Variants in HMCN2 observed in about 807,000 individuals in gnomAD.
HMCN2 encodes the protein hemicentin 2.
Under a neutral mutation model 377.5 loss-of-function variants are expected in HMCN2, and 325 were observed. That is an observed-to-expected ratio of 0.86 (90% confidence interval 0.79 to 0.94). HMCN2 has a LOEUF of 0.94. Among genes scored for constraint, HMCN2 ranks in the 40% least tolerant of loss-of-function variants. The probability of loss-of-function intolerance (pLI) is 0.00; values close to 1 mark genes in which losing one functional copy is unlikely to be tolerated. For missense variants in HMCN2, 4,543 were observed against 4,725.3 expected (o/e 0.96, Z 1.13); for synonymous variants, 2,007 against 2,046.8 (o/e 0.98, Z 0.53).
chr9:130,273,044 C>T (rs781870436), intron 1 of HMCN2, among the ~76,000 whole-genome samples: 1 of 152,162 alleles, frequency 6.6e-6, no homozygotes, highest in African/African-American at 2.4e-5. Flanking sequence ...TTGTTCTCAT[C>T]CATCAGACAT....
chr9:130,346,162 G>A (rs904182576), intron 25 of HMCN2, among the ~76,000 whole-genome samples: 4 of 152,182 alleles, frequency 2.6e-5, no homozygotes, highest in East Asian at 1.9e-4. Context: ...CAGCGCTGGC[G>A]GAGGTCAGGG....
At chr9:130,399,347 C>T (rs1187010257) in intron 75 of HMCN2, among the ~76,000 whole-genome samples, 164 bp from the exon 76 acceptor site, 1 of 152,032 alleles carries the variant, frequency 6.6e-6, no homozygotes, top group Non-Finnish European at 1.5e-5. Context: ...CAAAAATCCA[C>T]CAGCTAGACC....
chr9:130,403,876 G>A lies in HMCN2; in HGVS notation c.12148+1G>A. 7.8e-7 allele frequency: 1 copy of A among 1,289,052 alleles called. No individual in the cohort carries two copies. Among genetic ancestry groups the A allele is most frequent in the Non-Finnish European group, 1.0e-6 (1 of 988,288 alleles). 79.9% of individuals were successfully genotyped at this position (1,289,052 alleles called of 1,614,324 possible). On this transcript the variant is annotated splice_donor_variant, in intron 80 of 97. Transcript: ENST00000683500. LOFTEE classifies it high-confidence loss of function. ...GGGAAGACGCGGCTGGTGGTGCAAG[G>A]TGGGAGTGAGGACGGGGCCGAGGTG...
At chr9:130,313,348 C>T (rs976550602) in intron 15 of HMCN2, among the ~76,000 whole-genome samples, 6 of 152,068 alleles carry the variant, frequency 3.9e-5, no homozygotes, top group African/African-American at 1.4e-4. Context: ...GCCAGGAGGG[C>T]CTGCACTTGT....
intron 22 of HMCN2, among the ~76,000 whole-genome samples, chr9:130,333,951 G>T (rs1838572210): frequency 1.3e-5 from 2 of 152,208 alleles, no homozygotes. Flanking sequence ...GCAGGCAGGT[G>T]ACAGGTGGTG....
rs913906631 is a variant in HMCN2 at position 130,269,619 on chromosome 9, C to T, written c.259+3482C>T. ...CTAATTCAAAAATGGAAAATGATATCTTCTTGTTTCAATTGCTAGTGAGGT... is the reference window on the plus strand; with the variant it reads ...CTAATTCAAAAATGGAAAATGATATTTTCTTGTTTCAATTGCTAGTGAGGT... On this transcript the variant is annotated intron_variant, in intron 1 of 97. Coordinates refer to ENST00000683500, the MANE Select transcript of HMCN2 (RefSeq NM_001291815.2). 1.1e-4 allele frequency among the ~76,000 whole-genome samples: 17 copies of T among 148,238 alleles called. 2 individuals carry two copies. The highest frequency in any genetic ancestry group is 1.8e-4 in the Non-Finnish European group (12 of 66,092).
At chr9:130,348,309 G>A (rs1373533209) in intron 26 of HMCN2, among the ~76,000 whole-genome samples, 5 of 152,234 alleles carry the variant, frequency 3.3e-5, no homozygotes. Context: ...TTGCAAAGCT[G>A]AGAGTCAGAA....
Position 130,399,491 on chromosome 9 carries a change from C to T in HMCN2, c.11484-20C>T, listed in dbSNP as rs918547461. ...TCTGTCAGCCCAGCAGCCACTTGGC[C>T]GTCTGTCTGTCCACCCCAGGCTCCT... On this transcript the variant is annotated intron_variant, in intron 75 of 97. Transcript: ENST00000683500. The T allele has an allele frequency of 5.5e-6, 7 of 1,263,330 alleles. No individual in the cohort carries two copies. Among genetic ancestry groups the T allele is most frequent in the African/African-American group, 1.5e-5 (1 of 65,432 alleles). 78.3% of individuals were successfully genotyped at this position (1,263,330 alleles called of 1,614,324 possible).
intron 29 of HMCN2, among the ~76,000 whole-genome samples, chr9:130,350,379 AAAAAAATAC>A (rs1357861915): frequency 9.5e-5 from 4 of 41,966 alleles, no homozygotes; most frequent in East Asian, 5.2e-4. Flanking sequence ...CTAAAAATAC[AAAAAAATAC>A]AAAAAAAAAA....
intron 85 of HMCN2, among the ~76,000 whole-genome samples, chr9:130,416,097 TTTA>T (rs1450166089): frequency 0.028 from 2,504 of 89,162 alleles, 33 homozygotes; most frequent in South Asian, 0.044. Context: ...TTCTAGAGGC[TTTA>T]TTTTTTTTTT....
rs897304267 is a variant in HMCN2 at position 130,431,431 on chromosome 9, C to T, written c.14712C>T (p.Tyr4904=). 16 of 1,550,168 alleles carry T rather than the reference C, an allele frequency of 1.0e-5. No individual in the cohort carries two copies. The highest frequency in any genetic ancestry group is 1.4e-5 in the African/African-American group (1 of 73,042). ...QHACRNTEGS[Y]QCLCPAGYRL... ...CCTGCCGCAACACTGAGGGCAGCTA[C>T]CAGTGCCTGTGCCCCGCCGGCTACC... Residue 4904 remains tyrosine, a synonymous_variant, in exon 96 of 98, where the codon TAC becomes TAT. Transcript: ENST00000683500.
intron 97 of HMCN2, chr9:130,433,005 C>T (rs1208730140): frequency 5.1e-6 from 2 of 388,826 alleles, no homozygotes; most frequent in South Asian, 5.8e-5. Flanking sequence ...CAGTCTCCAC[C>T]TCCAACCCCG....
Position 130,416,180 on chromosome 9 carries a change from C to T in HMCN2, c.12962-2592C>T, listed in dbSNP as rs370608989. Among the ~76,000 whole-genome samples the T allele has an allele frequency of 3.3e-5, 5 of 150,440 alleles. 1 individual carries two copies. The highest frequency in any genetic ancestry group is 3.9e-4 in the East Asian group (2 of 5,120). Reference sequence around the variant, plus strand: ...AGTGCAGTGGCGCGATCTCGGCTCACTGCAACCTCCACCTCCCAGGTTCAA... The same window carrying T: ...AGTGCAGTGGCGCGATCTCGGCTCATTGCAACCTCCACCTCCCAGGTTCAA... On this transcript the variant is annotated intron_variant, in intron 85 of 97. Transcript: ENST00000683500.
intron 4 of HMCN2, among the ~76,000 whole-genome samples, chr9:130,293,361 T>C (rs893401528): frequency 3.4e-5 from 5 of 147,024 alleles, no homozygotes; most frequent in East Asian, 2.1e-4. Flanking sequence ...TGGAATTCAC[T>C]TGGAGATGTT....
At position 130,303,425 on chromosome 9, in the gene HMCN2, C is replaced by T. The variant is rs997834558; in HGVS notation, c.1422-62C>T. On this transcript the variant is annotated intron_variant, in intron 9 of 97. Transcript: ENST00000683500. This position sits in a 1 kb window ranked among gnomAD's most constrained non-coding sequence, Gnocchi z 5.2. ...TGGGCAGGATTCAGGGGACTGAAGTCGGGGGGGACCCTGAGTGGGGGTCAG... is the reference window on the plus strand; with the variant it reads ...TGGGCAGGATTCAGGGGACTGAAGTTGGGGGGGACCCTGAGTGGGGGTCAG... 3.0e-5 allele frequency: 11 copies of T among 367,138 alleles called. No homozygotes were observed. The highest frequency in any genetic ancestry group is 1.7e-4 in the African/African-American group (8 of 46,328). 22.7% of individuals were successfully genotyped at this position (367,138 alleles called of 1,614,324 possible).
intron 86 of HMCN2, among the ~76,000 whole-genome samples, chr9:130,421,772 C>T (rs1588436615): frequency 6.6e-6 from 1 of 152,178 alleles, no homozygotes; most frequent in African/African-American, 2.4e-5. Flanking sequence ...AGGAAATGGC[C>T]CTGCTTCCTA....
chr9:130,305,501 A>G lies in HMCN2; in HGVS notation c.1816+499A>G, dbSNP rs1329170033. Among the ~76,000 whole-genome samples, 4 of 152,160 alleles carry G rather than the reference A, an allele frequency of 2.6e-5. No homozygotes were observed. The East Asian group carries it at 7.7e-4, about 29-fold the overall frequency. On this transcript the variant is annotated intron_variant, in intron 11 of 97. Coordinates refer to ENST00000683500, the MANE Select transcript of HMCN2 (RefSeq NM_001291815.2). Reference sequence around the variant, plus strand: ...CAGAGCCTCCTCCCCAAGTGTAAAAACAAGCATGTTGAACAAGCATTCTCT... The same window carrying G: ...CAGAGCCTCCTCCCCAAGTGTAAAAGCAAGCATGTTGAACAAGCATTCTCT...
chr9:130,356,233 G>C lies in HMCN2; in HGVS notation c.5401G>C (p.Ala1801Pro). The C allele has an allele frequency of 7.7e-7, 1 of 1,301,210 alleles. No individual in the cohort carries two copies. The highest frequency in any genetic ancestry group is 1.0e-6 in the Non-Finnish European group (1 of 988,298). The allele number at this position is 1,301,210 out of a possible 1,614,324, so 80.6% of individuals were successfully genotyped here. ...QATNEAGTAG[A>P]EVEVSVHEFP... ...CACCAATGAGGCGGGCACTGCCGGG[G>C]CCGAGGTGGAGGTGTCTGTGCATGG... Residue 1801 changes from alanine to proline, a missense_variant, in exon 34 of 98, where the codon GCC becomes CCC. This residue lies in a region of HMCN2 where 1,032 missense variants were observed against 1,285.1 expected (regional missense o/e 0.80). Coordinates refer to ENST00000683500, the MANE Select transcript of HMCN2 (RefSeq NM_001291815.2).
At position 130,419,034 on chromosome 9, in the gene HMCN2, C is replaced by T. The variant is rs1373170308; in HGVS notation, c.13224C>T (p.Val4408=). The change falls in exon 86 of 98, where the codon GTC becomes GTT. Residue 4408 remains valine, a synonymous_variant. Coordinates refer to ENST00000683500, the MANE Select transcript of HMCN2 (RefSeq NM_001291815.2). ...CTGCCACAGCCCGGGCGTTCCTGGT[C>T]GTGAGAGGTATGGGGCATCCCTGTC... ...LGSATARAFL[V]VRGEPQGSWG... 6.7e-7 allele frequency: 1 copy of T among 1,489,040 alleles called. No homozygotes were observed. Among genetic ancestry groups the T allele is most frequent in the Non-Finnish European group, 9.0e-7 (1 of 1,114,914 alleles). 92.2% of individuals were successfully genotyped at this position (1,489,040 alleles called of 1,614,324 possible). A position where few individuals can be genotyped will look rare whatever the true frequency, so the allele number is the denominator to read the frequency against.
Sources: allele counts gnomAD v4.1 joint callset (sites outside exome capture counted in the v4.1 genomes callset), GRCh38; gene constraint gnomAD v4.1.1; regional missense constraint gnomAD v4.1.1; non-coding constraint Gnocchi (gnomAD v3.1); transcripts MANE v1.5; gene names NCBI Gene and HGNC (gene_info 2026-07-23, HGNC 2026-07-21).